CTNND2: variants seen among roughly 807,000 people sequenced by gnomAD.
The protein encoded by CTNND2 is catenin delta-2.
Under a neutral mutation model 144.4 loss-of-function variants are expected in CTNND2, and 22 were observed. That is an observed-to-expected ratio of 0.15 (90% CI 0.11 to 0.22). The LOEUF is 0.22. Ranked by LOEUF, CTNND2 falls within the 10% of genes least tolerant of loss-of-function variation. The probability of loss-of-function intolerance (pLI) is 1.00; values close to 1 mark genes in which losing one functional copy is unlikely to be tolerated. For missense variants in CTNND2, 1,353 were observed against 1,618.8 expected (o/e 0.84, Z 2.82); for synonymous variants, 751 against 695.6 (o/e 1.08, Z -1.25).
At chr5:11,858,496 T>TTGG (rs1397904091) in intron 1 of CTNND2, among the ~76,000 whole-genome samples, 3 of 152,178 alleles carry the variant, frequency 2.0e-5, no homozygotes, top group Non-Finnish European at 2.9e-5. Flanking sequence ...TTCCTTGTAC[T>TTGG]TTTACCAACT....
chr5:11,737,616 T>C (rs1581799413), intron 1 of CTNND2, among the ~76,000 whole-genome samples: 1 of 152,134 alleles, frequency 6.6e-6, no homozygotes. Flanking sequence ...TGCCCACACA[T>C]GCATGAGCAG....
At chr5:11,755,654 G>A (rs199732632) in intron 1 of CTNND2, among the ~76,000 whole-genome samples, 583 of 45,878 alleles carry the variant, frequency 0.013, 4 homozygotes, top group African/African-American at 0.04. Flanking sequence ...TTTTTTTTTT[G>A]TCTGATCATT....
chr5:11,318,740 C>A (rs1751745617), intron 9 of CTNND2, among the ~76,000 whole-genome samples: 2 of 152,026 alleles, frequency 1.3e-5, no homozygotes, highest in Non-Finnish European at 2.9e-5. Context: ...TGCCCTCTTT[C>A]TTCCGCCCCA....
intron 14 of CTNND2, among the ~76,000 whole-genome samples, chr5:11,105,055 C>G (rs1190870214): frequency 1.3e-5 from 2 of 152,208 alleles, no homozygotes; most frequent in Non-Finnish European, 2.9e-5. Context: ...CCACAGAAGA[C>G]AGCTGTCAAG....
At chr5:11,470,252 A>G (rs1237227636) in intron 3 of CTNND2, among the ~76,000 whole-genome samples, 6 of 152,086 alleles carry the variant, frequency 3.9e-5, no homozygotes, top group Admixed American at 3.3e-4. Flanking sequence ...GCTGACTAAC[A>G]TGGAGAAACC....
At chr5:11,510,470 A>C (rs1771532043) in intron 3 of CTNND2, among the ~76,000 whole-genome samples, 1 of 152,232 alleles carries the variant, frequency 6.6e-6, no homozygotes, top group Non-Finnish European at 1.5e-5. Context: ...CACTTCTGAC[A>C]ACGTTTACCT....
intron 1 of CTNND2, among the ~76,000 whole-genome samples, chr5:11,856,132 A>G (rs970342928): frequency 1.3e-5 from 2 of 152,242 alleles, no homozygotes; most frequent in Admixed American, 6.5e-5. Context: ...CAAAAAGAAC[A>G]AAACATGGAC....
intron 2 of CTNND2, among the ~76,000 whole-genome samples, chr5:11,657,977 A>G (rs1783002223): frequency 6.6e-6 from 1 of 152,160 alleles, no homozygotes; most frequent in Non-Finnish European, 1.5e-5. Context: ...TTATAATTCT[A>G]TTTAAAGTGG....
chr5:11,434,069 C>T (rs946945107), intron 3 of CTNND2, among the ~76,000 whole-genome samples: 1 of 151,932 alleles, frequency 6.6e-6, no homozygotes, highest in Admixed American at 6.6e-5. Context: ...TGGAATGAGC[C>T]CAGAAACTAA....
intron 11 of CTNND2, among the ~76,000 whole-genome samples, chr5:11,160,722 T>C (rs1163735093): frequency 1.3e-5 from 2 of 152,242 alleles, no homozygotes; most frequent in Non-Finnish European, 2.9e-5. Context: ...TAGTTGTCTT[T>C]GGAAATAGAA....
intron 10 of CTNND2, among the ~76,000 whole-genome samples, chr5:11,209,723 C>T (rs1247070534): frequency 6.6e-6 from 1 of 152,086 alleles, no homozygotes; most frequent in East Asian, 1.9e-4. Context: ...GAGATTGAGA[C>T]CATCCTGGCT....
intron 1 of CTNND2, among the ~76,000 whole-genome samples, chr5:11,743,836 A>G (rs1788157226): frequency 6.6e-6 from 1 of 152,140 alleles, no homozygotes; most frequent in Admixed American, 6.5e-5. Context: ...GAGCAGTGGG[A>G]GGGTCAACAT....
At chr5:11,721,036 C>T (rs987946631) in intron 2 of CTNND2, among the ~76,000 whole-genome samples, 1 of 152,232 alleles carries the variant, frequency 6.6e-6, no homozygotes, top group Non-Finnish European at 1.5e-5. Flanking sequence ...CAACACTATT[C>T]CCAATAGACA....
chr5:11,657,769 T>C (rs373002491), intron 2 of CTNND2, among the ~76,000 whole-genome samples: 18 of 152,216 alleles, frequency 1.2e-4, no homozygotes, highest in East Asian at 9.7e-4. Context: ...TGCATAAAAC[T>C]CAAATACCTT....
intron 1 of CTNND2, among the ~76,000 whole-genome samples, chr5:11,792,943 C>T (rs1350444791): frequency 2.0e-5 from 3 of 152,180 alleles, no homozygotes; most frequent in Non-Finnish European, 4.4e-5. Flanking sequence ...GGGGAAAAAA[C>T]GTCCACATTT....
intron 1 of CTNND2, among the ~76,000 whole-genome samples, chr5:11,888,832 C>T (rs530259801): frequency 4.0e-5 from 6 of 151,614 alleles, no homozygotes; most frequent in Non-Finnish European, 7.4e-5. Flanking sequence ...CTGCAACCTC[C>T]GCCTCCCAGT....
chr5:11,784,710 T>C (rs904342491), intron 1 of CTNND2, among the ~76,000 whole-genome samples: 1 of 152,230 alleles, frequency 6.6e-6, no homozygotes, highest in African/African-American at 2.4e-5. Flanking sequence ...ATGTTTCTAT[T>C]GTTGGCTTAG....
Position 11,025,939 on chromosome 5 carries a change from C to CT in CTNND2, c.2789-2961dup, listed in dbSNP as rs140352587. On this transcript the variant is annotated intron_variant, in intron 16 of 21. Coordinates refer to ENST00000304623, the MANE Select transcript of CTNND2 (RefSeq NM_001332.4). ...TCAGAGGGTAAAAGAAGTTAATTCC[C>CT]TTTTTTTGTATCACATTGGCAACAG... 6.4e-3 allele frequency among the ~76,000 whole-genome samples: 970 copies of CT among 152,238 alleles called. 2 individuals carry two copies. The highest frequency in any genetic ancestry group is 9.7e-3 in the Non-Finnish European group (663 of 68,014).
intron 2 of CTNND2, among the ~76,000 whole-genome samples, chr5:11,627,348 C>T (rs568246390): frequency 6.6e-6 from 1 of 152,256 alleles, no homozygotes; most frequent in African/African-American, 2.4e-5. Context: ...TCTTCAGTGG[C>T]TCCACAGAAC....
Sources: gnomAD v4.1 joint callset for allele counts (sites outside exome capture counted in the v4.1 genomes callset) on GRCh38, gnomAD v4.1.1 for gene constraint, MANE v1.5 for transcripts, NCBI Gene and HGNC (gene_info 2026-07-23, HGNC 2026-07-21) for gene names.